EFHC1: variants seen among roughly 807,000 people sequenced by gnomAD.
The protein encoded by EFHC1 is EF-hand domain containing 1.
EFHC1 carries 53 observed loss-of-function variants against 69.9 expected under a neutral mutation model. That is an observed-to-expected ratio of 0.76 (90% confidence interval 0.61 to 0.95). The LOEUF (loss-of-function observed/expected upper bound fraction) is 0.95, where lower values mean the gene tolerates loss of function less well. Ranked by LOEUF, EFHC1 falls within the 40% of genes least tolerant of loss-of-function variation. The pLI, the probability that EFHC1 is intolerant of heterozygous loss-of-function variation, is 0.00. For missense variants in EFHC1, 739 were observed against 798.7 expected, an observed-to-expected ratio of 0.93 and a Z score of 0.90; for synonymous variants, 256 against 278.4, an observed-to-expected ratio of 0.92 and a Z score of 0.80.
rs1243230228 is a variant in EFHC1, at chr6:52,493,018, G to T, written c.*677G>T. ...TAAAACAGATAGTCCTCCCTAATGT[G>T]GGTGGGCCTCCTCCAATCATTTGAA... On this transcript the variant is annotated 3_prime_UTR_variant, in exon 11 of 11. Transcript: ENST00000371068. 1 of 453,906 alleles carries T rather than the reference G, an allele frequency of 2.2e-6. No individual in the cohort carries two copies. The highest frequency in any genetic ancestry group is 4.4e-6 in the Non-Finnish European group (1 of 226,760). The allele number at this position is 453,906 out of a possible 1,614,324, so 28.1% of individuals were successfully genotyped here. A position where few individuals can be genotyped will look rare whatever the true frequency, so the allele number is the denominator to read the frequency against.
chr6:52,453,846 G>GCA (rs1393938621), intron 4 of EFHC1: 2 of 1,339,332 alleles, frequency 1.5e-6, no homozygotes, highest in Non-Finnish European at 2.0e-6. Context: ...ATCAAAGTGA[G>GCA]CTCTTCTTTT....
intron 6 of EFHC1, 118 bp downstream of exon 6, chr6:52,465,233 A>G (rs1765276967): frequency 1.2e-6 from 1 of 855,132 alleles, no homozygotes; most frequent in Non-Finnish European, 1.8e-6. Context: ...TATGTAACAC[A>G]GTAGTTCACA....
intron 9 of EFHC1, among the ~76,000 whole-genome samples, chr6:52,480,370 A>G (rs1160104319): frequency 1.3e-5 from 2 of 152,180 alleles, no homozygotes; most frequent in Non-Finnish European, 2.9e-5. Flanking sequence ...GGGCCTGTGC[A>G]ATGCAAATTC....
At chr6:52,478,693 A>T (rs1342554652) in intron 7 of EFHC1, among the ~76,000 whole-genome samples, 1 of 152,220 alleles carries the variant, frequency 6.6e-6, no homozygotes, top group South Asian at 2.1e-4. Context: ...TTTGGGCTTC[A>T]TGGTGCTTTA....
chr6:52,459,672 T>C (rs1765119049), intron 5 of EFHC1, among the ~76,000 whole-genome samples: 2 of 152,110 alleles, frequency 1.3e-5, no homozygotes, highest in African/African-American at 4.8e-5. Context: ...TTTGTTTGTT[T>C]GTTTGTTTGT....
At chr6:52,460,913 A>C (rs1466249173) in intron 5 of EFHC1, among the ~76,000 whole-genome samples, 2 of 152,228 alleles carry the variant, frequency 1.3e-5, no homozygotes, top group African/African-American at 2.4e-5. Flanking sequence ...GTGAATAAAG[A>C]AAATAGCAAA....
At chr6:52,462,392 TTTAAAAA>T (rs1187357529) in intron 5 of EFHC1, among the ~76,000 whole-genome samples, 1 of 151,820 alleles carries the variant, frequency 6.6e-6, no homozygotes, top group African/African-American at 2.4e-5. Flanking sequence ...ATCTAAAGAA[TTTAAAAA>T]TTAAAATATT....
At chr6:52,436,285 C>T (rs1562446088) in intron 2 of EFHC1, among the ~76,000 whole-genome samples, 1 of 152,114 alleles carries the variant, frequency 6.6e-6, no homozygotes, top group Non-Finnish European at 1.5e-5. Flanking sequence ...AGTTTTAAGG[C>T]CTTCATTATA....
chr6:52,463,997 A>G (rs977271919), intron 5 of EFHC1, among the ~76,000 whole-genome samples: 3 of 152,146 alleles, frequency 2.0e-5, no homozygotes, highest in African/African-American at 7.2e-5. Flanking sequence ...AATCTCAGTA[A>G]TTACTAGTTA....
intron 10 of EFHC1, chr6:52,490,667 A>G (rs1037700635): frequency 9.0e-6 from 5 of 554,812 alleles, no homozygotes; most frequent in Middle Eastern, 4.7e-4. Flanking sequence ...AGACTCAAAG[A>G]TAAGTTGATA....
chr6:52,456,622 G>A (rs1025158534), intron 5 of EFHC1, among the ~76,000 whole-genome samples: 10 of 152,138 alleles, frequency 6.6e-5, no homozygotes, highest in East Asian at 1.9e-4. Context: ...CTTTTAAAAA[G>A]TAGGAAACAG....
chr6:52,462,002 G>A (rs1765178142), intron 5 of EFHC1, among the ~76,000 whole-genome samples: 1 of 151,928 alleles, frequency 6.6e-6, no homozygotes, highest in Non-Finnish European at 1.5e-5. Context: ...AATAGTGGGA[G>A]CCATTAAAAC....
intron 6 of EFHC1, chr6:52,469,114 G>C: frequency 1.8e-6 from 1 of 569,848 alleles, no homozygotes; most frequent in Non-Finnish European, 3.0e-6. Flanking sequence ...AGTTACTTTA[G>C]AGCATCATCA....
At chr6:52,434,953 C>G (rs1467037424) in intron 2 of EFHC1, among the ~76,000 whole-genome samples, 1 of 151,654 alleles carries the variant, frequency 6.6e-6, no homozygotes, top group Non-Finnish European at 1.5e-5. Context: ...TCCTTGCCTC[C>G]CATTCTCAGG....
chr6:52,490,771 C>A (rs727742), intron 10 of EFHC1: 50,908 of 256,176 alleles, frequency 0.2, 5,607 homozygotes, highest in Admixed American at 0.35. Flanking sequence ...ATGACCACTG[C>A]AGGAGGGCTG....
chr6:52,467,094 A>C (rs1410032108), intron 6 of EFHC1, among the ~76,000 whole-genome samples: 1 of 152,182 alleles, frequency 6.6e-6, no homozygotes, highest in African/African-American at 2.4e-5. Context: ...ACTTCAGTTA[A>C]TAGATAAGGA....
intron 2 of EFHC1, among the ~76,000 whole-genome samples, chr6:52,427,691 A>G (rs1333531648): frequency 6.6e-6 from 1 of 152,180 alleles, no homozygotes; most frequent in Non-Finnish European, 1.5e-5. Context: ...GTGCTCAATA[A>G]ATATCAGTTC....
chr6:52,420,352 G>T lies in EFHC1; in HGVS notation c.-59G>T, dbSNP rs1355682155. 5.6e-6 allele frequency: 9 copies of T among 1,608,888 alleles called. No homozygotes were observed. Among genetic ancestry groups the T allele is most frequent in the Non-Finnish European group, 6.8e-6 (8 of 1,175,210 alleles). ...GAGGTGCCCGCGAACACTGCTTGTC[G>T]CCTGGGCAACCGGAGAGGACGAAGC... On this transcript the variant is annotated 5_prime_UTR_variant, in exon 1 of 11. Coordinates refer to ENST00000371068, the MANE Select transcript of EFHC1 (RefSeq NM_018100.4).
chr6:52,422,900 C>T (rs936362125), intron 1 of EFHC1, among the ~76,000 whole-genome samples: 4 of 152,110 alleles, frequency 2.6e-5, no homozygotes, highest in Non-Finnish European at 5.9e-5. Flanking sequence ...CTTATTAAAT[C>T]ATAAATATTT....
Sources: allele counts gnomAD v4.1 joint callset (sites outside exome capture counted in the v4.1 genomes callset), GRCh38; gene constraint gnomAD v4.1.1; transcripts MANE v1.5; gene names NCBI Gene and HGNC (gene_info 2026-07-23, HGNC 2026-07-21).